ENTPD1: variants seen among roughly 807,000 people sequenced by gnomAD.
The protein encoded by ENTPD1 is ectonucleoside triphosphate diphosphohydrolase 1, also known as ATP diphosphohydrolase.
A neutral mutation model predicts 57.0 loss-of-function variants in ENTPD1; 33 were observed. That is an observed-to-expected ratio of 0.58 (90% confidence interval 0.44 to 0.77). The LOEUF (loss-of-function observed/expected upper bound fraction) is 0.77, where lower values mean the gene tolerates loss of function less well. Ranked by LOEUF, ENTPD1 falls within the 30% of genes least tolerant of loss-of-function variation. ENTPD1 has a pLI of 0.00. For synonymous variants in ENTPD1, 202 were observed against 218.8 expected (o/e 0.92, Z 0.68); for missense variants, 501 against 603.4 (o/e 0.83, Z 1.78).
intron 1 of ENTPD1, among the ~76,000 whole-genome samples, chr10:95,738,004 G>A (rs1589658806): frequency 6.6e-6 from 1 of 152,164 alleles, no homozygotes; most frequent in Middle Eastern, 3.2e-3. Context: ...GGAAAACCTG[G>A]TGGAACAAAT....
At chr10:95,809,204 G>A (rs1338032710) in intron 1 of ENTPD1, among the ~76,000 whole-genome samples, 6 of 152,064 alleles carry the variant, frequency 3.9e-5, no homozygotes, top group South Asian at 4.1e-4. Flanking sequence ...AACCACCATC[G>A]TCATCATGGC....
chr10:95,864,938 A>AG, intron 9 of ENTPD1, 77 bp downstream of exon 9: 2 of 1,528,092 alleles, frequency 1.3e-6, no homozygotes, highest in Non-Finnish European at 1.8e-6. Context: ...GGCTTGAAAA[A>AG]GGGGGGAGTC....
chr10:95,861,288 A>C (rs1160497776), intron 8 of ENTPD1: 1 of 152,522 alleles, frequency 6.6e-6, no homozygotes, highest in Non-Finnish European at 1.5e-5. Flanking sequence ...AACTTGAAGC[A>C]CAATTTTTTT....
chr10:95,800,731 A>G (rs906690986), intron 1 of ENTPD1, among the ~76,000 whole-genome samples: 1 of 152,178 alleles, frequency 6.6e-6, no homozygotes, highest in South Asian at 2.1e-4. Flanking sequence ...CAAGAAGAAA[A>G]ATATGGCTGT....
chr10:95,734,349 A>AT (rs1333722897), intron 1 of ENTPD1, among the ~76,000 whole-genome samples: 1 of 152,208 alleles, frequency 6.6e-6, no homozygotes, highest in Non-Finnish European at 1.5e-5. Context: ...AAAGAGCAGA[A>AT]TTTTTTGGAC....
chr10:95,812,066 C>T (rs774480765), intron 1 of ENTPD1, among the ~76,000 whole-genome samples: 12 of 152,188 alleles, frequency 7.9e-5, no homozygotes, highest in Non-Finnish European at 1.2e-4. Flanking sequence ...TATCTGTTTT[C>T]CCACATCTTT....
Position 95,823,237 on chromosome 10 carries a change from A to G in ENTPD1, c.17A>G (p.Glu6Gly), listed in dbSNP as rs745455500. 1 of 1,614,052 alleles carries G rather than the reference A, an allele frequency of 6.2e-7. No homozygotes were observed. The highest frequency in any genetic ancestry group is 8.5e-7 in the Non-Finnish European group (1 of 1,179,954). MEDTK[E>G]SNVKTFCSKN... ...TTTTTTCTTCTGCTTTTGGTTTTAG[A>G]GTCTAACGTGAAGACATTTTGCTCC... is the stretch of plus-strand genomic sequence containing the variant. Residue 6 changes from glutamate (E) to glycine (G), a missense_variant and splice_region_variant, in exon 2 of 10, where the codon GAG (glutamate) becomes GGG (glycine). Glu to Gly is a moderately conservative substitution (Grantham distance 98). Transcript: ENST00000371205.
At position 95,847,610 on chromosome 10, in the gene ENTPD1, T is replaced by C. The variant is rs1433089158; in HGVS notation, c.978T>C (p.His326=). The part of the protein sequence containing the change: ...IQGIGNYQQC[H]QSILELFNTS... ...GTATTGGAAACTATCAACAATGCCATCAAAGCATCCTGGAGCTCTTCAACA... is the reference window on the plus strand; with the variant it reads ...GTATTGGAAACTATCAACAATGCCACCAAAGCATCCTGGAGCTCTTCAACA... Residue 326 remains histidine, a synonymous_variant, in exon 7 of 10, where the codon CAT becomes CAC. Coordinates refer to ENST00000371205, the MANE Select transcript of ENTPD1 (RefSeq NM_001776.6). 3.7e-6 allele frequency: 6 copies of C among 1,614,030 alleles called. No homozygotes were observed. Among genetic ancestry groups the C allele is most frequent in the Non-Finnish European group, 5.1e-6 (6 of 1,180,026 alleles).
At chr10:95,788,171 G>A (rs960334476) in intron 1 of ENTPD1, among the ~76,000 whole-genome samples, 1 of 152,060 alleles carries the variant, frequency 6.6e-6, no homozygotes, top group Non-Finnish European at 1.5e-5. Context: ...TCCTAAAAGA[G>A]GGAACTGTAA....
chr10:95,855,912 G>A (rs892918182), intron 7 of ENTPD1, among the ~76,000 whole-genome samples: 7 of 152,244 alleles, frequency 4.6e-5, no homozygotes, highest in Admixed American at 3.3e-4. Flanking sequence ...ATAATTATGT[G>A]TCTTGGAGTT....
chr10:95,815,468 C>A (rs565175188), intron 1 of ENTPD1, among the ~76,000 whole-genome samples: 1 of 152,318 alleles, frequency 6.6e-6, no homozygotes, highest in South Asian at 2.1e-4. Flanking sequence ...ACAGTCCAGA[C>A]AACCCTTCCA....
At chr10:95,704,690 G>C in the ENTPD1 span, among the ~76,000 whole-genome samples, 2 of 152,094 alleles carry the variant, frequency 1.3e-5, no homozygotes, top group Non-Finnish European at 2.9e-5. Flanking sequence ...TCTAGAACGT[G>C]ATGTAAGATA....
chr10:95,873,550 A>G lies in ENTPD1; in HGVS notation c.*7167A>G. Reference sequence around the variant, plus strand: ...TAGGAAAGAGTAGGTAGGTTATGCCAGCTCACACGCATCCTTTAAAAATGG... The same window carrying G: ...TAGGAAAGAGTAGGTAGGTTATGCCGGCTCACACGCATCCTTTAAAAATGG... On this transcript the variant is annotated 3_prime_UTR_variant, in exon 10 of 10. Coordinates refer to ENST00000371205, the MANE Select transcript of ENTPD1 (RefSeq NM_001776.6). 1.0e-6 allele frequency: 1 copy of G among 985,472 alleles called. No individual in the cohort carries two copies. Among genetic ancestry groups the G allele is most frequent in the Non-Finnish European group, 1.2e-6 (1 of 829,956 alleles). 61.0% of individuals were successfully genotyped at this position (985,472 alleles called of 1,614,324 possible).
chr10:95,841,081 T>G (rs749357350), intron 3 of ENTPD1, among the ~76,000 whole-genome samples: 3 of 152,144 alleles, frequency 2.0e-5, no homozygotes, highest in African/African-American at 4.8e-5. Flanking sequence ...CACACTGCCT[T>G]CCATTTTTAA....
chr10:95,715,661 T>G (rs2097970743), intron 1 of ENTPD1, among the ~76,000 whole-genome samples: 1 of 152,218 alleles, frequency 6.6e-6, no homozygotes, highest in South Asian at 2.1e-4. Context: ...AAATCAATAT[T>G]TTAATTCATT....
chr10:95,822,300 G>A (rs899252809), intron 1 of ENTPD1, among the ~76,000 whole-genome samples: 1 of 146,748 alleles, frequency 6.8e-6, no homozygotes. Flanking sequence ...ACCCGTTTTT[G>A]GTTATTATTT....
upstream of ENTPD1, among the ~76,000 whole-genome samples, chr10:95,711,557 G>A (rs935110015): frequency 3.3e-5 from 5 of 152,038 alleles, no homozygotes; most frequent in Middle Eastern, 3.2e-3. Flanking sequence ...GCTGGAGCTC[G>A]GTGGCACAAT....
At chr10:95,822,584 C>T (rs773615913) in intron 1 of ENTPD1, among the ~76,000 whole-genome samples, 3 of 152,176 alleles carry the variant, frequency 2.0e-5, no homozygotes, top group Admixed American at 6.5e-5. Context: ...TGTGAGCTGC[C>T]GTGTCCGGCC....
intron 1 of ENTPD1, among the ~76,000 whole-genome samples, chr10:95,739,478 C>T: frequency 6.6e-6 from 1 of 152,200 alleles, no homozygotes; most frequent in Middle Eastern, 3.2e-3. Flanking sequence ...GATTCCATCT[C>T]AAGAAACCAG....
Sources: gnomAD v4.1 joint callset for allele counts (sites outside exome capture counted in the v4.1 genomes callset) on GRCh38, gnomAD v4.1.1 for gene constraint, MANE v1.5 for transcripts, NCBI Gene and HGNC (gene_info 2026-07-23, HGNC 2026-07-21) for gene names.